The following MYOC variants were observed in gnomAD, a reference collection of about 807,000 sequenced individuals.
MYOC encodes the protein juvenile-onset open-angle glaucoma 1.
In MYOC, 29 loss-of-function variants were observed where a neutral mutation model predicts 28.2. That is an observed-to-expected ratio of 1.03 (90% confidence interval 0.77 to 1.40). MYOC has a LOEUF of 1.40. Among genes scored for constraint, MYOC ranks in the 40% most tolerant of loss-of-function variants. The pLI is 0.00. For synonymous variants in MYOC, 240 were observed against 245.6 expected (o/e 0.98, Z 0.21); for missense variants, 569 against 620.6 (o/e 0.92, Z 0.88).
intron 1 of MYOC, among the ~76,000 whole-genome samples, chr1:171,646,972 T>C (rs1413013821): frequency 6.6e-6 from 1 of 152,130 alleles, no homozygotes; most frequent in African/African-American, 2.4e-5. Context: ...CCTGTAGACA[T>C]AGGCATTGTA....
chr1:171,643,736 G>C (rs574131673), intron 1 of MYOC, among the ~76,000 whole-genome samples: 2 of 152,230 alleles, frequency 1.3e-5, no homozygotes, highest in South Asian at 2.1e-4. Flanking sequence ...ACTTTGGGAG[G>C]CTGAGGTGGG....
At position 171,647,906 on chromosome 1, in the gene MYOC, G is replaced by A. The variant is rs140034894; in HGVS notation, c.604+4102C>T. Among the ~76,000 whole-genome samples the A allele has an allele frequency of 2.2e-3, 332 of 152,126 alleles. 1 individual carries two copies. The highest frequency in any genetic ancestry group is 6.8e-3 in the Middle Eastern group (2 of 294). On this transcript the variant is annotated intron_variant, in intron 1 of 2. Transcript: ENST00000037502. The stretch of plus-strand genomic sequence containing the variant: ...GAAAGTCTACAAGAACAGGCCAGGC[G>A]CCGTGGCTCATGCCTGTAATCCCAG...
rs952108993 is a variant in MYOC at position 171,646,302 on chromosome 1, T to C, written c.604+5706A>G. ...ATGCTGAGCTGAATTGTTTGGATGA[T>C]TACATAAGTAACTATAAATGAAATG... On this transcript the variant is annotated intron_variant, in intron 1 of 2. Transcript: ENST00000037502. Among the ~76,000 whole-genome samples, 6 of 152,264 alleles carry C rather than the reference T, an allele frequency of 3.9e-5. No individual in the cohort carries two copies. The East Asian group carries it at 1.2e-3, about 29-fold the overall frequency.
chr1:171,649,938 C>T (rs914351698), intron 1 of MYOC, among the ~76,000 whole-genome samples: 15 of 152,128 alleles, frequency 9.9e-5, no homozygotes, highest in African/African-American at 3.4e-4. Flanking sequence ...GCCAGCGGTA[C>T]CGGATGCTCA....
chr1:171,651,957 A>G (rs756940564), intron 1 of MYOC, 51 bp downstream of exon 1: 2 of 1,613,336 alleles, frequency 1.2e-6, no homozygotes, highest in African/African-American at 1.3e-5. Flanking sequence ...GCAGGTCACT[A>G]CGAGCCATAT....
At chr1:171,644,886 A>T (rs553384451) in intron 1 of MYOC, among the ~76,000 whole-genome samples, 1 of 152,172 alleles carries the variant, frequency 6.6e-6, no homozygotes, top group Non-Finnish European at 1.5e-5. Context: ...CAGAGAGGTT[A>T]AGTAACATGC....
intron 2 of MYOC, among the ~76,000 whole-genome samples, chr1:171,638,191 G>T (rs553205090): frequency 2.0e-5 from 3 of 152,326 alleles, no homozygotes; most frequent in South Asian, 2.1e-4. Flanking sequence ...GTTAGTAACA[G>T]ATTGTGGCTG....
At chr1:171,640,187 G>A (rs926862269) in intron 1 of MYOC, among the ~76,000 whole-genome samples, 1 of 151,442 alleles carries the variant, frequency 6.6e-6, no homozygotes, top group Non-Finnish European at 1.5e-5. Flanking sequence ...TATACTTTCA[G>A]TAGAAATATT....
chr1:171,647,545 A>G (rs1313596041), intron 1 of MYOC, among the ~76,000 whole-genome samples: 2 of 151,706 alleles, frequency 1.3e-5, no homozygotes, highest in Non-Finnish European at 2.9e-5. Flanking sequence ...CAAAACAAAA[A>G]ACAAAAACAA....
At chr1:171,648,921 A>G (rs1381774033) in intron 1 of MYOC, among the ~76,000 whole-genome samples, 1 of 150,960 alleles carries the variant, frequency 6.6e-6, no homozygotes, top group Non-Finnish European at 1.5e-5. Context: ...TCCTGACCTC[A>G]AGTGATCTGT....
intron 1 of MYOC, 123 bp downstream of exon 1, chr1:171,651,885 T>C: frequency 1.0e-5 from 14 of 1,374,966 alleles, no homozygotes; most frequent in Non-Finnish European, 1.4e-5. Context: ...AATTCATCTG[T>C]CTTGTGCTAG....
intron 1 of MYOC, among the ~76,000 whole-genome samples, chr1:171,649,020 T>G (rs868831879): frequency 4.0e-5 from 6 of 151,550 alleles, no homozygotes; most frequent in Middle Eastern, 3.4e-3. Flanking sequence ...CAAAAACTAT[T>G]ATATATACAT....
chr1:171,652,582 G>C lies in MYOC; in HGVS notation c.30C>G (p.Ser10Arg). The C allele has an allele frequency of 6.2e-7, 1 of 1,614,238 alleles. No individual in the cohort carries two copies. Among genetic ancestry groups the C allele is most frequent in the South Asian group, 1.1e-5 (1 of 91,080 alleles). ...GGACAGCTGGCATCTCAGGCCCAAA[G>C]CTGCAGCAACGTGCACAGAAGAACC... MRFFCARCC[S>R]FGPEMPAVQL... Residue 10 changes from serine to arginine, a missense_variant, in exon 1 of 3, where the codon AGC becomes AGG. By Grantham distance (110) the Ser-to-Arg change is moderately radical (BLOSUM62 -1). Transcript: ENST00000037502.
At position 171,652,688 on chromosome 1, in the gene MYOC, C is replaced by T. The variant is rs931124801; in HGVS notation, c.-77G>A. ...GCCTGGATGGGTGGCCTTGCTGGCT[C>T]ATGCCCGAGCTCCAGAGAGGTTTAT... On this transcript the variant is annotated 5_prime_UTR_variant, in exon 1 of 3. Coordinates refer to ENST00000037502, the MANE Select transcript of MYOC (RefSeq NM_000261.2). 2.5e-5 allele frequency: 40 copies of T among 1,600,776 alleles called. No homozygotes were observed. The highest frequency in any genetic ancestry group is 2.2e-4 in the Middle Eastern group (1 of 4,578).
chr1:171,648,018 GAA>G (rs796310325), intron 1 of MYOC, among the ~76,000 whole-genome samples: 6 of 143,186 alleles, frequency 4.2e-5, no homozygotes, highest in African/African-American at 1.0e-4. Flanking sequence ...GTCTGTACTG[GAA>G]AAAAAAAAAA....
chr1:171,651,925 A>G, intron 1 of MYOC, 83 bp downstream of exon 1: 1 of 1,591,888 alleles, frequency 6.3e-7, no homozygotes, highest in Non-Finnish European at 8.6e-7. Flanking sequence ...AAGGGCAGGC[A>G]GGGAGGCCTG....
intron 1 of MYOC, among the ~76,000 whole-genome samples, chr1:171,643,080 C>G (rs1199644828): frequency 6.6e-6 from 1 of 152,138 alleles, no homozygotes; most frequent in African/African-American, 2.4e-5. Context: ...TTCTCCCTAT[C>G]TGAGGTTGTG....
chr1:171,639,217 C>T (rs564407239), intron 1 of MYOC, among the ~76,000 whole-genome samples: 2 of 152,290 alleles, frequency 1.3e-5, no homozygotes, highest in Non-Finnish European at 2.9e-5. Flanking sequence ...TTGGACTGTG[C>T]TGATAACAGT....
intron 1 of MYOC, among the ~76,000 whole-genome samples, chr1:171,639,954 A>G (rs1653033662): frequency 6.9e-6 from 1 of 145,700 alleles, no homozygotes; most frequent in Non-Finnish European, 1.5e-5. Flanking sequence ...AAGAAAAAAA[A>G]AAAAAAAAAA....
Sources: allele counts gnomAD v4.1 joint callset (sites outside exome capture counted in the v4.1 genomes callset), GRCh38; gene constraint gnomAD v4.1.1; transcripts MANE v1.5; gene names NCBI Gene and HGNC (gene_info 2026-07-23, HGNC 2026-07-21).